Variants in DHX33 observed in about 807,000 individuals in gnomAD.
DHX33 encodes the protein ATP-dependent RNA helicase DHX33.
In DHX33, 42 loss-of-function variants were observed where a neutral mutation model predicts 72.5. The ratio of observed to expected loss-of-function variants is 0.58; its 90% CI spans 0.45 to 0.75. The LOEUF (loss-of-function observed/expected upper bound fraction) is 0.75. Ranked by LOEUF, DHX33 falls within the 30% of genes least tolerant of loss-of-function variation. The pLI is 0.00. For synonymous variants in DHX33, 358 were observed against 366.1 expected (o/e 0.98, Z 0.25); for missense variants, 842 against 917.5 (o/e 0.92, Z 1.06).
chr17:5,459,170 G>A (rs1904467996), intron 4 of DHX33, among the ~76,000 whole-genome samples: 1 of 152,138 alleles, frequency 6.6e-6, no homozygotes, highest in Non-Finnish European at 1.5e-5. Context: ...CTGCACTCCA[G>A]CCTGGGTGAC....
chr17:5,455,779 C>G (rs1917162869), intron 5 of DHX33, among the ~76,000 whole-genome samples: 1 of 152,194 alleles, frequency 6.6e-6, no homozygotes, highest in South Asian at 2.1e-4. Context: ...TTGGTTTATA[C>G]TCTCCCTCAT....
chr17:5,460,860 T>C, intron 4 of DHX33, 79 bp downstream of exon 4: 1 of 1,501,604 alleles, frequency 6.7e-7, no homozygotes, highest in Non-Finnish European at 9.0e-7. Flanking sequence ...CAGTAGCTTT[T>C]CTTTTCAAGG....
intron 11 of DHX33, among the ~76,000 whole-genome samples, chr17:5,447,976 C>T (rs1051372379): frequency 2.6e-5 from 4 of 152,096 alleles, no homozygotes; most frequent in East Asian, 1.9e-4. Context: ...GTCAGGAGTT[C>T]GAGACCAGTC....
chr17:5,455,254 G>T lies in DHX33; in HGVS notation c.1053C>A (p.Ile351=). 1 of 1,614,132 alleles carries T rather than the reference G, an allele frequency of 6.2e-7. No individual in the cohort carries two copies. Among genetic ancestry groups the T allele is most frequent in the Non-Finnish European group, 8.5e-7 (1 of 1,179,994 alleles). ...AGGTTTCAGCGATGTTGGTTGAAAT[G>T]ATCACTTTGCGATAGCCCTAAAAGG... ...QGAPKGYRKV[I]ISTNIAETSI... Residue 351 remains isoleucine (I), a synonymous_variant, in exon 6 of 12, where the codon ATC becomes ATA. Transcript: ENST00000225296.
At position 5,443,795 on chromosome 17, in the gene DHX33, T is replaced by C. The variant is rs1306185076; in HGVS notation, c.*410A>G. ...TCACATCATATGGCAAGCAGTAACA[T>C]TCAGCCTAACGGCTCCCAACTCACT... On this transcript the variant is annotated 3_prime_UTR_variant, in exon 12 of 12. Transcript: ENST00000225296. 6.0e-6 allele frequency: 1 copy of C among 167,700 alleles called. No individual in the cohort carries two copies. The highest frequency in any genetic ancestry group is 1.3e-5 in the Non-Finnish European group (1 of 78,302). 10.4% of individuals were successfully genotyped at this position (167,700 alleles called of 1,614,324 possible).
At position 5,444,164 on chromosome 17, in the gene DHX33, G is replaced by A. The variant is rs147296242; in HGVS notation, c.*41C>T. ...TGCTGTAAGGACAACTGTAGTCCAAGCTCCCAGGGACCAGTGATTCTGGCG... is the reference window on the plus strand; with the variant it reads ...TGCTGTAAGGACAACTGTAGTCCAAACTCCCAGGGACCAGTGATTCTGGCG... On this transcript the variant is annotated 3_prime_UTR_variant, in exon 12 of 12. Transcript: ENST00000225296. This position sits in a 1 kb window ranked among gnomAD's most constrained non-coding sequence, Gnocchi z 4.9. The A allele has an allele frequency of 1.6e-5, 26 of 1,583,946 alleles. No individual in the cohort carries two copies. The highest frequency in any genetic ancestry group is 1.7e-4 in the Middle Eastern group (1 of 5,810).
Position 5,450,793 on chromosome 17 carries a change from AG to A in DHX33, c.1524+13del. The A allele has an allele frequency of 6.2e-7, 1 of 1,614,114 alleles. No homozygotes were observed. The highest frequency in any genetic ancestry group is 2.2e-5 in the East Asian group (1 of 44,884). ...AATGTACAGAAAGAGGACTGAGGAG[AG>A]GGTATCATTTACTTTGGCAAATTTG... is the stretch of plus-strand genomic sequence containing the variant. On this transcript the variant is annotated intron_variant, in intron 9 of 11. Coordinates refer to ENST00000225296, the MANE Select transcript of DHX33 (RefSeq NM_020162.4).
chr17:5,447,116 G>A (rs922716020), intron 11 of DHX33, among the ~76,000 whole-genome samples: 2 of 152,324 alleles, frequency 1.3e-5, no homozygotes, highest in African/African-American at 2.4e-5. Flanking sequence ...GAACACTTCC[G>A]CTACCCTCTA....
intron 11 of DHX33, among the ~76,000 whole-genome samples, chr17:5,447,297 C>T (rs1038053405): frequency 6.6e-6 from 1 of 152,162 alleles, no homozygotes; most frequent in Non-Finnish European, 1.5e-5. Flanking sequence ...GCCAGTGGAT[C>T]GCCTGAGGTC....
At chr17:5,452,621 T>C (rs1240347791) in intron 8 of DHX33, among the ~76,000 whole-genome samples, 1 of 151,780 alleles carries the variant, frequency 6.6e-6, no homozygotes, top group African/African-American at 2.4e-5. Flanking sequence ...GGGAAGCTGA[T>C]GTGGGAGAAT....
chr17:5,462,667 C>T (rs1021520592), intron 2 of DHX33, 121 bp from the exon 3 acceptor site: 2 of 689,912 alleles, frequency 2.9e-6, no homozygotes, highest in African/African-American at 3.5e-5. Context: ...CTTCCCACTC[C>T]CTTGGGAAGC....
Position 5,468,961 on chromosome 17 carries a change from C to CAG in DHX33, c.-103_-102insCT. On this transcript the variant is annotated 5_prime_UTR_variant, in exon 1 of 12. Transcript: ENST00000225296. ...ACCGCCCCTTCCTCGCCGCCACGTGCTGGCGGCTCCCGGCGACCACCGATG... is the reference window on the plus strand; with the variant it reads ...ACCGCCCCTTCCTCGCCGCCACGTGCAGTGGCGGCTCCCGGCGACCACCGATG... 1 of 912,000 alleles carries CAG rather than the reference C, an allele frequency of 1.1e-6. No homozygotes were observed. The highest frequency in any genetic ancestry group is 1.6e-6 in the Non-Finnish European group (1 of 633,058). 56.5% of individuals were successfully genotyped at this position (912,000 alleles called of 1,614,324 possible). A position where few individuals can be genotyped will look rare whatever the true frequency, so the allele number is the denominator to read the frequency against.
chr17:5,459,353 T>C (rs1158398596), intron 4 of DHX33, among the ~76,000 whole-genome samples: 1 of 151,538 alleles, frequency 6.6e-6, no homozygotes, highest in African/African-American at 2.4e-5. Flanking sequence ...TTTAATAAAA[T>C]GAGAAAATAT....
chr17:5,464,982 T>G (rs1242579040), intron 1 of DHX33, among the ~76,000 whole-genome samples: 1 of 152,200 alleles, frequency 6.6e-6, no homozygotes, highest in Non-Finnish European at 1.5e-5. Context: ...GCACTGACCA[T>G]CCTGTGTTGT....
chr17:5,450,989 G>A (rs961235892), intron 8 of DHX33, 55 bp from the exon 9 acceptor site: 3 of 1,593,466 alleles, frequency 1.9e-6, no homozygotes, highest in South Asian at 1.1e-5. Context: ...TGAAGTTGCA[G>A]CTAGTTCAGT....
In DHX33 at chr17:5,468,881, G is replaced by A. The variant is rs1435081496; in HGVS notation, c.-22C>T. ...GCATGTCGGGAGGGCACCGCGGCGG[G>A]AGGCGCAAGCGCCGAGAGCTCCTGC... On this transcript the variant is annotated 5_prime_UTR_variant, in exon 1 of 12. Transcript: ENST00000225296. 1.9e-6 allele frequency: 3 copies of A among 1,549,100 alleles called. No individual in the cohort carries two copies. The highest frequency in any genetic ancestry group is 2.6e-6 in the Non-Finnish European group (3 of 1,146,618).
chr17:5,464,744 T>A (rs1567604507), intron 1 of DHX33, among the ~76,000 whole-genome samples: 1 of 152,212 alleles, frequency 6.6e-6, no homozygotes, highest in African/African-American at 2.4e-5. Context: ...GCATACTGAC[T>A]GACATGAAGA....
At chr17:5,461,290 T>C (rs1216869106) in intron 3 of DHX33, 181 bp from the exon 4 acceptor site, 3 of 463,412 alleles carry the variant, frequency 6.5e-6, no homozygotes, top group Non-Finnish European at 1.1e-5. Flanking sequence ...ACAGGTCTGT[T>C]TCCTTTCCTT....
At chr17:5,460,127 G>C (rs1042456848) in intron 4 of DHX33, among the ~76,000 whole-genome samples, 5 of 149,760 alleles carry the variant, frequency 3.3e-5, no homozygotes, top group African/African-American at 1.2e-4. Context: ...CCATTCTCTT[G>C]CCTCAGTCTC....
Sources: allele counts gnomAD v4.1 joint callset (sites outside exome capture counted in the v4.1 genomes callset), GRCh38; gene constraint gnomAD v4.1.1; non-coding constraint Gnocchi (gnomAD v3.1); transcripts MANE v1.5; gene names NCBI Gene and HGNC (gene_info 2026-07-23, HGNC 2026-07-21).